Variants in FRMD4A observed in about 807,000 individuals in gnomAD.
The protein encoded by FRMD4A is FERM domain containing 4A.
Under a neutral mutation model 129.1 loss-of-function variants are expected in FRMD4A, and 29 were observed. The observed-to-expected ratio is 0.22, with a 90% CI of 0.17 to 0.31. The LOEUF is 0.31. Among genes scored for constraint, FRMD4A ranks in the 10% least tolerant of loss-of-function variants. FRMD4A has a pLI of 1.00. For synonymous variants in FRMD4A, 634 were observed against 571.6 expected (o/e 1.11, Z -1.56); for missense variants, 1,272 against 1,375.8 (o/e 0.92, Z 1.19).
intron 13 of FRMD4A, among the ~76,000 whole-genome samples, chr10:13,706,133 C>T (rs201116312): frequency 6.6e-6 from 1 of 152,184 alleles, no homozygotes; most frequent in Non-Finnish European, 1.5e-5. Flanking sequence ...AGGGCTGGAG[C>T]GTCAACAGCG....
intron 5 of FRMD4A, among the ~76,000 whole-genome samples, chr10:13,783,502 A>G (rs567422780): frequency 2.7e-3 from 400 of 150,606 alleles, no homozygotes; most frequent in African/African-American, 9.3e-3. Flanking sequence ...TTCCCGCCTC[A>G]GCTTCCTGAG....
At chr10:14,250,793 T>G (rs984535065) in intron 2 of FRMD4A, among the ~76,000 whole-genome samples, 1 of 152,138 alleles carries the variant, frequency 6.6e-6, no homozygotes, top group Non-Finnish European at 1.5e-5. Context: ...AGAGAGGGAA[T>G]GGGCAGTCTC....
chr10:13,744,758 C>T (rs75047526), intron 9 of FRMD4A: 7,834 of 152,244 alleles, frequency 0.051, 265 homozygotes, highest in Non-Finnish European at 0.076. Flanking sequence ...TGTGATGAGA[C>T]GGGTAAAAAC....
chr10:13,948,733 C>G (rs528388662), intron 2 of FRMD4A, among the ~76,000 whole-genome samples: 1 of 150,066 alleles, frequency 6.7e-6, no homozygotes, highest in African/African-American at 2.5e-5. Context: ...CTCACTGCAA[C>G]CTCCGCCTCC....
chr10:14,044,837 C>T (rs1380666707), intron 2 of FRMD4A, among the ~76,000 whole-genome samples: 1 of 152,234 alleles, frequency 6.6e-6, no homozygotes, highest in Non-Finnish European at 1.5e-5. Flanking sequence ...CACTGCTCTG[C>T]TGAAGAATAT....
Position 14,018,381 on chromosome 10 carries a change from G to A in FRMD4A, c.46-159469C>T, listed in dbSNP as rs548187283. Among the ~76,000 whole-genome samples the A allele has an allele frequency of 2.1e-4, 32 of 149,646 alleles. No individual in the cohort carries two copies. In the East Asian group the frequency reaches 3.5e-3, roughly 17 times the overall value. On this transcript the variant is annotated intron_variant, in intron 2 of 24. Coordinates refer to ENST00000357447, the MANE Select transcript of FRMD4A (RefSeq NM_018027.5). Reference sequence around the variant, plus strand: ...TGAGGCAGGAGAATGGTGTGAACCCGGGAGGCAGAGGTTGCAGTGAGCCGA... The same window carrying A: ...TGAGGCAGGAGAATGGTGTGAACCCAGGAGGCAGAGGTTGCAGTGAGCCGA...
intron 2 of FRMD4A, among the ~76,000 whole-genome samples, chr10:14,220,163 G>C (rs1031817139): frequency 6.6e-6 from 1 of 152,130 alleles, no homozygotes; most frequent in South Asian, 2.1e-4. Context: ...TCTAAATGAC[G>C]AAACTGTTCA....
chr10:14,242,052 C>T (rs1003945110), intron 2 of FRMD4A, among the ~76,000 whole-genome samples: 11 of 152,312 alleles, frequency 7.2e-5, no homozygotes, highest in African/African-American at 2.6e-4. Context: ...GACCTGTTGC[C>T]TAGCTCCATA....
intron 2 of FRMD4A, among the ~76,000 whole-genome samples, chr10:14,015,411 C>A (rs1043517890): frequency 1.3e-5 from 2 of 150,546 alleles, no homozygotes; most frequent in East Asian, 3.9e-4. Context: ...TCCCCTCCTT[C>A]CCCTTCCCTT....
intron 5 of FRMD4A, among the ~76,000 whole-genome samples, 154 bp from the exon 6 acceptor site, chr10:13,783,160 T>C (rs2092777043): frequency 6.6e-6 from 1 of 152,196 alleles, no homozygotes; most frequent in Non-Finnish European, 1.5e-5. Flanking sequence ...TATGATTCCC[T>C]AGGGAGGACA....
intron 2 of FRMD4A, among the ~76,000 whole-genome samples, chr10:14,047,843 T>A (rs896035401): frequency 6.6e-6 from 1 of 151,910 alleles, no homozygotes; most frequent in Non-Finnish European, 1.5e-5. Flanking sequence ...CAGAGTGGAG[T>A]CAGAATTGTG....
intron 2 of FRMD4A, among the ~76,000 whole-genome samples, chr10:14,064,633 A>G (rs1019587479): frequency 6.6e-6 from 1 of 152,156 alleles, no homozygotes; most frequent in African/African-American, 2.4e-5. Flanking sequence ...GCTGGAGTAC[A>G]GTGGCGCGAT....
Position 13,673,179 on chromosome 10 carries a change from C to T in FRMD4A, c.1251+1732G>A, listed in dbSNP as rs190675313. Among the ~76,000 whole-genome samples, 380 of 152,224 alleles carry T rather than the reference C, an allele frequency of 2.5e-3. 1 individual carries two copies. Among genetic ancestry groups the T allele is most frequent in the South Asian group, 0.015 (70 of 4,820 alleles). On this transcript the variant is annotated intron_variant, in intron 16 of 24. Transcript: ENST00000357447. ...CTCATATTTTTTCCAATCCTTCAAG[C>T]GTATTCTTTATAAAAATGTTGCTAA...
At chr10:13,853,123 A>C (rs1181488483) in intron 3 of FRMD4A, among the ~76,000 whole-genome samples, 1 of 152,114 alleles carries the variant, frequency 6.6e-6, no homozygotes, top group Non-Finnish European at 1.5e-5. Context: ...GGCAGCTTGG[A>C]ACTTGGAAAG....
chr10:13,669,326 T>C (rs758612156), intron 17 of FRMD4A, among the ~76,000 whole-genome samples: 3 of 152,196 alleles, frequency 2.0e-5, no homozygotes, highest in African/African-American at 4.8e-5. Flanking sequence ...CCTCCCAAAG[T>C]GCTGGGATTT....
intron 2 of FRMD4A, among the ~76,000 whole-genome samples, chr10:14,073,869 T>C (rs1294397293): frequency 6.6e-6 from 1 of 152,150 alleles, no homozygotes; most frequent in African/African-American, 2.4e-5. Flanking sequence ...CCCAGCACTT[T>C]GGAAGGCTGA....
In FRMD4A at chr10:13,947,610, A is replaced by G. The variant is rs1008511680; in HGVS notation, c.46-88698T>C. ...CATGCATACACACACACACACGTGC[A>G]CACACACACACACACACACATATAT... is the stretch of plus-strand genomic sequence containing the variant. On this transcript the variant is annotated intron_variant, in intron 2 of 24. Coordinates refer to ENST00000357447, the MANE Select transcript of FRMD4A (RefSeq NM_018027.5). Among the ~76,000 whole-genome samples, 12 of 115,978 alleles carry G rather than the reference A, an allele frequency of 1.0e-4. No individual in the cohort carries two copies. In the South Asian group the frequency reaches 2.9e-3, roughly 28 times the overall value. 76.1% of individuals were successfully genotyped at this position (115,978 alleles called of 152,430 possible). A position where few individuals can be genotyped will look rare whatever the true frequency, so the allele number is the denominator to read the frequency against.
At chr10:13,946,304 G>A (rs1321301951) in intron 2 of FRMD4A, among the ~76,000 whole-genome samples, 1 of 152,222 alleles carries the variant, frequency 6.6e-6, no homozygotes, top group South Asian at 2.1e-4. Context: ...GAACCAGGAA[G>A]TTGAAAGAGG....
At chr10:14,164,270 G>T (rs1841053847) in intron 2 of FRMD4A, among the ~76,000 whole-genome samples, 1 of 152,206 alleles carries the variant, frequency 6.6e-6, no homozygotes, top group Non-Finnish European at 1.5e-5. Flanking sequence ...TTGAGAAATA[G>T]GCCAGCCGCT....
Sources: allele counts gnomAD v4.1 joint callset (sites outside exome capture counted in the v4.1 genomes callset), GRCh38; gene constraint gnomAD v4.1.1; transcripts MANE v1.5; gene names NCBI Gene and HGNC (gene_info 2026-07-23, HGNC 2026-07-21).